CUX1: variants seen among roughly 807,000 people sequenced by gnomAD.
CUX1 encodes the protein cut like homeobox 1, also known as protein CASP.
In CUX1, 31 loss-of-function variants were observed where a neutral mutation model predicts 158.8. The observed-to-expected ratio is 0.20, with a 90% CI of 0.15 to 0.26. CUX1 has a LOEUF of 0.26. Among genes scored for constraint, CUX1 ranks in the 10% least tolerant of loss-of-function variants. The pLI is 1.00. For synonymous variants in CUX1, 879 were observed against 862.1 expected, an observed-to-expected ratio of 1.02 and a Z score of -0.34; for missense variants, 1,589 against 2,014.6, an observed-to-expected ratio of 0.79 and a Z score of 4.04.
chr7:102,127,950 C>T (rs1291802018), intron 8 of CUX1, among the ~76,000 whole-genome samples: 4 of 152,206 alleles, frequency 2.6e-5, no homozygotes, highest in African/African-American at 4.8e-5. Flanking sequence ...CAGATTTAAG[C>T]GATTCTTCTG....
intron 17 of CUX1, 120 bp downstream of exon 17, chr7:102,200,292 A>G: frequency 1.4e-6 from 1 of 738,450 alleles, no homozygotes. Context: ...CCTGTTCTCA[A>G]GCATTTAGGC....
rs115098678 is a variant in CUX1 at position 102,249,734 on chromosome 7, G to T, written c.*692G>T. 2.9e-3 allele frequency: 2,854 copies of T among 983,530 alleles called. 55 individuals are homozygous for T. In the African/African-American group the frequency reaches 0.044, roughly 15 times the overall value. The allele number at this position is 983,530 out of a possible 1,614,324, so 60.9% of individuals were successfully genotyped here. Reference sequence around the variant, plus strand: ...AAAAGAAAGTTTTTGTAGCTGTTCAGTTGCCACTAAGAGATTGCACAGTCA... The same window carrying T: ...AAAAGAAAGTTTTTGTAGCTGTTCATTTGCCACTAAGAGATTGCACAGTCA... On this transcript the variant is annotated 3_prime_UTR_variant, in exon 24 of 24. Transcript: ENST00000292535.
intron 11 of CUX1, among the ~76,000 whole-genome samples, chr7:102,179,445 A>G (rs1212684544): frequency 6.6e-6 from 1 of 152,180 alleles, no homozygotes; most frequent in Non-Finnish European, 1.5e-5. Flanking sequence ...GCATGAGCCA[A>G]ATGAAACCCC....
chr7:102,106,079 C>CTT lies in CUX1; in HGVS notation c.530+1645_530+1646dup, dbSNP rs782580660. Among the ~76,000 whole-genome samples the CTT allele has an allele frequency of 9.1e-4, 66 of 72,270 alleles. 1 individual carries two copies. The highest frequency in any genetic ancestry group is 1.2e-3 in the East Asian group (3 of 2,482). 47.4% of individuals were successfully genotyped at this position (72,270 alleles called of 152,430 possible). ...AATACTTGGTGAACTTTTCTTTTTT[C>CTT]TTTTTTTTTTTTTTTTTTTTTTTTT... On this transcript the variant is annotated intron_variant, in intron 6 of 23. Coordinates refer to ENST00000292535, the MANE Select transcript of CUX1 (RefSeq NM_181552.4).
chr7:102,070,455 T>C, intron 4 of CUX1, 38 bp downstream of exon 4: 1 of 1,506,746 alleles, frequency 6.6e-7, no homozygotes, highest in Admixed American at 1.9e-5. Context: ...GTGGGGGGCG[T>C]TGTGTCTGGT....
intron 10 of CUX1, among the ~76,000 whole-genome samples, chr7:102,177,408 T>A (rs770875572): frequency 7.1e-6 from 1 of 139,990 alleles, no homozygotes. Context: ...ACCAAAACTC[T>A]ATCTCAAAAA....
At chr7:102,137,711 A>C (rs1204086620) in intron 8 of CUX1, among the ~76,000 whole-genome samples, 1 of 152,162 alleles carries the variant, frequency 6.6e-6, no homozygotes, top group Non-Finnish European at 1.5e-5. Flanking sequence ...TTTAAATAGT[A>C]CATTTCATTC....
At chr7:101,984,146 A>ATG (rs1479558484) in intron 2 of CUX1, among the ~76,000 whole-genome samples, 2 of 74,624 alleles carry the variant, frequency 2.7e-5, no homozygotes, top group Admixed American at 1.3e-4. Flanking sequence ...ACACATATAT[A>ATG]TATGTGTGTG....
At chr7:102,281,460 C>T (rs1331258595) in intron 20 of CUX1, among the ~76,000 whole-genome samples, 1 of 151,994 alleles carries the variant, frequency 6.6e-6, no homozygotes, top group African/African-American at 2.4e-5. Context: ...GTCTGGAGTT[C>T]GAGACCAGCC....
chr7:102,001,534 G>C (rs1816689210), intron 2 of CUX1, among the ~76,000 whole-genome samples: 1 of 152,138 alleles, frequency 6.6e-6, no homozygotes, highest in Non-Finnish European at 1.5e-5. Context: ...AGTAGAGACA[G>C]GGTTTCACCA....
At chr7:102,205,622 G>T (rs1795869985) in intron 20 of CUX1, among the ~76,000 whole-genome samples, 1 of 152,186 alleles carries the variant, frequency 6.6e-6, no homozygotes, top group African/African-American at 2.4e-5. Flanking sequence ...GGGAAAGGTA[G>T]GGTAGCAGAA....
chr7:102,140,201 A>G (rs1219253496), intron 8 of CUX1, among the ~76,000 whole-genome samples: 2 of 152,130 alleles, frequency 1.3e-5, no homozygotes, highest in Non-Finnish European at 2.9e-5. Flanking sequence ...GCTTGGTGTG[A>G]CTAAGACATG....
chr7:101,960,270 C>T (rs1810312022), intron 2 of CUX1: 1 of 152,264 alleles, frequency 6.6e-6, no homozygotes, highest in Non-Finnish European at 1.5e-5. Flanking sequence ...GGCAATTAAT[C>T]GGATGACTGA....
intron 2 of CUX1, among the ~76,000 whole-genome samples, chr7:101,998,709 G>A (rs1024534972): frequency 1.1e-4 from 17 of 152,194 alleles, no homozygotes; most frequent in Admixed American, 1.1e-3. Flanking sequence ...CAAGAAAGCA[G>A]CCTCGGCCTC....
In CUX1 at chr7:102,274,428, C is replaced by G. The variant is rs551412017; in HGVS notation, c.1450+118C>G. On this transcript the variant is annotated intron_variant, in intron 16 of 22. Transcript: ENST00000292538. ...CCTTCCTCTAAGAAGGTCAGGCCCC[C>G]ACGCCTGCAATGCAGCAGCAACCTT... The G allele has an allele frequency of 1.3e-5, 11 of 820,150 alleles. No individual in the cohort carries two copies. In the East Asian group the frequency reaches 1.9e-4, roughly 14 times the overall value. The allele number at this position is 820,150 out of a possible 1,614,324, so 50.8% of individuals were successfully genotyped here.
chr7:102,178,840 G>T (rs1792694773), intron 11 of CUX1, among the ~76,000 whole-genome samples, 183 bp downstream of exon 11: 1 of 152,160 alleles, frequency 6.6e-6, no homozygotes, highest in South Asian at 2.1e-4. Flanking sequence ...GTTAAACCCT[G>T]GCATCAGCCC....
At chr7:101,887,850 T>TCC (rs1562966556) in intron 1 of CUX1, among the ~76,000 whole-genome samples, 1 of 143,522 alleles carries the variant, frequency 7.0e-6, no homozygotes, top group African/African-American at 2.6e-5. Flanking sequence ...GACATTTTTT[T>TCC]TTTTTTTTTT....
At chr7:102,280,039 C>T in exon 19 of CUX1, 1 of 1,604,204 alleles carries the variant, frequency 6.2e-7, no homozygotes. Flanking sequence ...CTGTGCAGGG[C>T]AGCGGCAGTG....
upstream of CUX1, among the ~76,000 whole-genome samples, chr7:101,816,422 A>G (rs1356087183): frequency 2.3e-5 from 3 of 131,196 alleles, no homozygotes; most frequent in African/African-American, 5.5e-5. Flanking sequence ...CGCCGCCGCC[A>G]GCGCCGCCGC....
Sources: gnomAD v4.1 joint callset for allele counts (sites outside exome capture counted in the v4.1 genomes callset) on GRCh38, gnomAD v4.1.1 for gene constraint, MANE v1.5 for transcripts, NCBI Gene and HGNC (gene_info 2026-07-23, HGNC 2026-07-21) for gene names.